Variants in RNF144B observed in about 807,000 individuals in gnomAD.
RNF144B encodes ring finger protein 144B.
In RNF144B, 25 loss-of-function variants were observed where a neutral mutation model predicts 40.2. The observed-to-expected ratio is 0.62, with a 90% CI of 0.45 to 0.87. The LOEUF (loss-of-function observed/expected upper bound fraction) is 0.87, where lower values mean the gene tolerates loss of function less well. Among genes scored for constraint, RNF144B ranks in the 40% least tolerant of loss-of-function variants. The probability of loss-of-function intolerance (pLI) is 0.00; values close to 1 mark genes in which losing one functional copy is unlikely to be tolerated. For missense variants in RNF144B, 365 were observed against 373.7 expected, an observed-to-expected ratio of 0.98 and a Z score of 0.19; for synonymous variants, 145 against 136.3, an observed-to-expected ratio of 1.06 and a Z score of -0.44.
chr6:18,424,778 A>G (rs1758509331), intron 2 of RNF144B, among the ~76,000 whole-genome samples: 1 of 71,874 alleles, frequency 1.4e-5, no homozygotes, highest in African/African-American at 3.5e-5. Flanking sequence ...AGACCCAAAT[A>G]TTTCTAAGAG....
At position 18,462,156 on chromosome 6, in the gene RNF144B, T is replaced by C. The variant is rs577624819; in HGVS notation, c.682-1135T>C. ...TCCTTACTACCCCTCTATTTATCTTTCCTTTAGAAGCCAAGCTTCAAAAAA... is the reference window on the plus strand; with the variant it reads ...TCCTTACTACCCCTCTATTTATCTTCCCTTTAGAAGCCAAGCTTCAAAAAA... On this transcript the variant is annotated intron_variant, in intron 6 of 7. Coordinates refer to ENST00000259939, the MANE Select transcript of RNF144B (RefSeq NM_182757.4). Among the ~76,000 whole-genome samples the C allele has an allele frequency of 3.3e-5, 5 of 152,322 alleles. No homozygotes were observed. In the South Asian group the frequency reaches 1.0e-3, roughly 32 times the overall value.
chr6:18,463,325 C>T lies in RNF144B; in HGVS notation c.716C>T (p.Pro239Leu), dbSNP rs751955191. The T allele has an allele frequency of 2.5e-6, 4 of 1,610,042 alleles. No homozygotes were observed. Among genetic ancestry groups the T allele is most frequent in the Non-Finnish European group, 3.4e-6 (4 of 1,176,356 alleles). The change falls in exon 7 of 8, where the codon CCA (proline) becomes CTA (leucine). Residue 239 changes from proline to leucine, a missense_variant. By Grantham distance (98) the Pro-to-Leu change is moderately conservative. Transcript: ENST00000259939. ...TTCCTCAGACATTATGACAAAGGGC[C>T]ATGCAGGAATAAACTTGGCCACTCA... ...DIFLRHYDKG[P>L]CRNKLGHSRA...
chr6:18,404,249 C>A (rs1189337447), intron 2 of RNF144B, among the ~76,000 whole-genome samples: 3 of 152,194 alleles, frequency 2.0e-5, no homozygotes, highest in Non-Finnish European at 4.4e-5. Context: ...TGCCACTTTC[C>A]TATTTCTACC....
chr6:18,406,913 CATG>C lies in RNF144B; in HGVS notation c.165+7215_165+7217del, dbSNP rs1794922257. ...GGGGAGGCCTCAGGAAACTTACAAT[CATG>C]GTGGAAGGGGAAGCAGCCACGTCTT... On this transcript the variant is annotated intron_variant, in intron 2 of 7. Coordinates refer to ENST00000259939, the MANE Select transcript of RNF144B (RefSeq NM_182757.4). This position sits in a 1 kb window ranked among gnomAD's most constrained non-coding sequence, Gnocchi z 4.2. Among the ~76,000 whole-genome samples, 1 of 152,104 alleles carries C rather than the reference CATG, an allele frequency of 6.6e-6. No individual in the cohort carries two copies.
chr6:18,464,247 C>G lies in RNF144B; in HGVS notation c.772-680C>G, dbSNP rs535301218. On this transcript the variant is annotated intron_variant, in intron 7 of 7. Coordinates refer to ENST00000259939, the MANE Select transcript of RNF144B (RefSeq NM_182757.4). This position sits in a 1 kb window ranked among gnomAD's most constrained non-coding sequence, Gnocchi z 6.1. ...TTTGGAGGGAGTCAGTGCTAATATC[C>G]TAGTAATCATTAACATCCCTTTGAG... 3.9e-5 allele frequency among the ~76,000 whole-genome samples: 6 copies of G among 152,232 alleles called. No homozygotes were observed. The highest frequency in any genetic ancestry group is 1.4e-4 in the African/African-American group (6 of 41,532).
chr6:18,427,272 G>C (rs1758577802), intron 2 of RNF144B, among the ~76,000 whole-genome samples: 1 of 151,896 alleles, frequency 6.6e-6, no homozygotes, highest in African/African-American at 2.4e-5. Context: ...TTTTTTAAAG[G>C]AGGGGGCCTT....
rs1359268886 is a variant in RNF144B, at chr6:18,421,271, TATACACACACACAC to T, written c.166-6308_166-6295del. ...CATCTCAAAAAAAAAAATTATATAT[TATACACACACACAC>T]ACACACACACACACACACACACACA... On this transcript the variant is annotated intron_variant, in intron 2 of 7. Transcript: ENST00000259939. 6.0e-3 allele frequency among the ~76,000 whole-genome samples: 783 copies of T among 131,006 alleles called. 5 individuals carry two copies. The highest frequency in any genetic ancestry group is 7.6e-3 in the South Asian group (32 of 4,236). The allele number at this position is 131,006 out of a possible 152,430, so 85.9% of individuals were successfully genotyped here.
In RNF144B at chr6:18,416,458, T is replaced by C. The variant is rs1314767123; in HGVS notation, c.166-11123T>C. 6.6e-6 allele frequency among the ~76,000 whole-genome samples: 1 copy of C among 152,132 alleles called. No homozygotes were observed. The highest frequency in any genetic ancestry group is 1.5e-5 in the Non-Finnish European group (1 of 68,020). Reference sequence around the variant, plus strand: ...CTTCAGAGCTATTTCTGTCATAGAGTTTCTTAATTTAGATATTTCATGATC... The same window carrying C: ...CTTCAGAGCTATTTCTGTCATAGAGCTTCTTAATTTAGATATTTCATGATC... On this transcript the variant is annotated intron_variant, in intron 2 of 7. Coordinates refer to ENST00000259939, the MANE Select transcript of RNF144B (RefSeq NM_182757.4). The surrounding 1 kb of genome is among the most constrained non-coding windows in gnomAD (Gnocchi z 5.5).
At position 18,458,782 on chromosome 6, in the gene RNF144B, G is replaced by T. The variant is rs1184793965; in HGVS notation, c.537-825G>T. 2.0e-5 allele frequency among the ~76,000 whole-genome samples: 3 copies of T among 152,160 alleles called. No individual in the cohort carries two copies. Among genetic ancestry groups the T allele is most frequent in the Non-Finnish European group, 4.4e-5 (3 of 68,026 alleles). On this transcript the variant is annotated intron_variant, in intron 5 of 7. Transcript: ENST00000259939. The surrounding 1 kb of genome is among the most constrained non-coding windows in gnomAD (Gnocchi z 4.8). ...TCAGATCTCAGTGTTTTCAGATTTT[G>T]AAATATTTTCATGATATGTTTATTG...
intron 2 of RNF144B, among the ~76,000 whole-genome samples, chr6:18,411,495 ATATTTTTT>A (rs1396445408): frequency 1.5e-4 from 4 of 26,444 alleles, no homozygotes; most frequent in African/African-American, 6.1e-4. Context: ...ATATATATAT[ATATTTTTT>A]TTTTTTTTTT....
intron 2 of RNF144B, among the ~76,000 whole-genome samples, chr6:18,413,858 A>G (rs558500557): frequency 1.3e-5 from 2 of 152,288 alleles, no homozygotes; most frequent in South Asian, 4.1e-4. Flanking sequence ...TTAATTAAAG[A>G]TTGTTTTAAT....
intron 1 of RNF144B, among the ~76,000 whole-genome samples, chr6:18,388,256 T>C (rs1234931160): frequency 1.3e-5 from 2 of 152,234 alleles, no homozygotes; most frequent in African/African-American, 4.8e-5. Flanking sequence ...GTCAGTTTCA[T>C]ATTGCTTTCT....
At chr6:18,430,657 ATTT>A (rs59026530) in intron 3 of RNF144B, among the ~76,000 whole-genome samples, 1 of 148,112 alleles carries the variant, frequency 6.8e-6, no homozygotes, top group Non-Finnish European at 1.5e-5. Context: ...CTAATTTTTA[ATTT>A]TTTTTTTTTT....
chr6:18,420,283 T>C (rs1485535193), intron 2 of RNF144B, among the ~76,000 whole-genome samples: 1 of 151,914 alleles, frequency 6.6e-6, no homozygotes, highest in Non-Finnish European at 1.5e-5. Flanking sequence ...GCTTAAAAAG[T>C]TTTGGATTTT....
chr6:18,412,335 G>A lies in RNF144B; in HGVS notation c.165+12636G>A, dbSNP rs555319549. Among the ~76,000 whole-genome samples, 79 of 152,180 alleles carry A rather than the reference G, an allele frequency of 5.2e-4. 1 individual carries two copies. The highest frequency in any genetic ancestry group is 1.8e-3 in the African/African-American group (73 of 41,486). On this transcript the variant is annotated intron_variant, in intron 2 of 7. Transcript: ENST00000259939. The surrounding 1 kb of genome is among the most constrained non-coding windows in gnomAD (Gnocchi z 4.2). ...GTTTAATCCATACTTCCTCTTTTTAGGAGGAAGCAAATTGTTGTAAGAGAA... is the reference window on the plus strand; with the variant it reads ...GTTTAATCCATACTTCCTCTTTTTAAGAGGAAGCAAATTGTTGTAAGAGAA...
rs58124564 is a variant in RNF144B at position 18,406,457 on chromosome 6, A to AGTGTGTGTGTGTGTGTGTGT, written c.165+6783_165+6802dup. ...CAAAGGAGGCTGGTGTGGCTGGAAA[A>AGTGTGTGTGTGTGTGTGTGT]GTGTGTGTGTGTGTGTGTGTGTGTG... On this transcript the variant is annotated intron_variant, in intron 2 of 7. Transcript: ENST00000259939. This position sits in a 1 kb window ranked among gnomAD's most constrained non-coding sequence, Gnocchi z 4.2. 3.1e-5 allele frequency among the ~76,000 whole-genome samples: 4 copies of AGTGTGTGTGTGTGTGTGTGT among 131,016 alleles called. No homozygotes were observed. Among genetic ancestry groups the AGTGTGTGTGTGTGTGTGTGT allele is most frequent in the East Asian group, 2.4e-4 (1 of 4,146 alleles). 86.0% of individuals were successfully genotyped at this position (131,016 alleles called of 152,430 possible). A position where few individuals can be genotyped will look rare whatever the true frequency, so the allele number is the denominator to read the frequency against.
rs573232200 is a variant in RNF144B, at chr6:18,463,401, G to T, written c.771+21G>T. On this transcript the variant is annotated intron_variant, in intron 7 of 7. Transcript: ENST00000259939. ...CACAGGTACCCTGACCTTATAGGGA[G>T]CGTGACATAAACCAAAATCGTGATG... is the stretch of plus-strand genomic sequence containing the variant. The T allele has an allele frequency of 7.1e-5, 107 of 1,511,786 alleles. No homozygotes were observed. The South Asian group carries it at 1.2e-3, about 17-fold the overall frequency. The allele number at this position is 1,511,786 out of a possible 1,614,324, so 93.6% of individuals were successfully genotyped here. A position where few individuals can be genotyped will look rare whatever the true frequency, so the allele number is the denominator to read the frequency against.
At chr6:18,399,354 C>T in intron 1 of RNF144B, 145 bp from the exon 2 acceptor site, 2 of 605,782 alleles carry the variant, frequency 3.3e-6, no homozygotes, top group South Asian at 4.2e-5. Context: ...GAACCACTCT[C>T]TAGCCCGTCG....
At chr6:18,388,938 A>C (rs1695038053) in intron 1 of RNF144B, among the ~76,000 whole-genome samples, 1 of 152,140 alleles carries the variant, frequency 6.6e-6, no homozygotes, top group Non-Finnish European at 1.5e-5. Context: ...GTGAACGTGA[A>C]AAAGATGTTG....
Sources: gnomAD v4.1 joint callset for allele counts (sites outside exome capture counted in the v4.1 genomes callset) on GRCh38, gnomAD v4.1.1 for gene constraint, Gnocchi (gnomAD v3.1) non-coding constraint, MANE v1.5 for transcripts, NCBI Gene and HGNC (gene_info 2026-07-23, HGNC 2026-07-21) for gene names.